GABRA3: variants seen among roughly 807,000 people sequenced by gnomAD.
GABRA3 encodes the protein gamma-aminobutyric acid receptor subunit alpha-3.
GABRA3 carries 10 observed loss-of-function variants against 30.1 expected under a neutral mutation model. That is an observed-to-expected ratio of 0.33 (90% CI 0.20 to 0.56). The LOEUF (loss-of-function observed/expected upper bound fraction) is 0.56. GABRA3 is among the 20% of genes least tolerant of loss of function. The pLI is 0.89. For missense variants in GABRA3, 233 were observed against 392.0 expected (o/e 0.59, Z 3.42); for synonymous variants, 151 against 146.8 (o/e 1.03, Z -0.21).
chrX:152,207,780 G>A (rs1937582455), intron 7 of GABRA3, among the ~76,000 whole-genome samples: 1 of 111,947 alleles, frequency 8.9e-6, no homozygotes, highest in South Asian at 3.7e-4. Context: ...TAAGAGGATG[G>A]TCTTGGGAGC....
At chrX:152,316,072 G>A (rs1331066115) in intron 3 of GABRA3, among the ~76,000 whole-genome samples, 1 of 98,507 alleles carries the variant, frequency 1.0e-5, no homozygotes, top group Non-Finnish European at 2.0e-5. Context: ...CACAAAATTA[G>A]TGTGTTAAAC....
At chrX:152,311,726 G>A (rs1441955455) in intron 3 of GABRA3, among the ~76,000 whole-genome samples, 1 of 110,970 alleles carries the variant, frequency 9.0e-6, no homozygotes, top group Non-Finnish European at 1.9e-5. Context: ...GAAGGAAATA[G>A]AAGACAGACA....
chrX:152,200,700 C>G (rs1256939539), intron 7 of GABRA3, among the ~76,000 whole-genome samples: 2 of 111,463 alleles, frequency 1.8e-5, no homozygotes, highest in Non-Finnish European at 1.9e-5. Flanking sequence ...TTAATCCTAT[C>G]TCTGATCATG....
intron 1 of GABRA3, among the ~76,000 whole-genome samples, chrX:152,371,886 A>C (rs1371157411): frequency 9.0e-6 from 1 of 111,707 alleles, no homozygotes; most frequent in Non-Finnish European, 1.9e-5. Context: ...AAACAAGAAC[A>C]CGGGACCAAG....
At chrX:152,374,562 A>T (rs1161802440) in intron 1 of GABRA3, among the ~76,000 whole-genome samples, 1 of 110,280 alleles carries the variant, frequency 9.1e-6, no homozygotes, top group African/African-American at 3.3e-5. Flanking sequence ...GTGTTAGCCA[A>T]CATGGTCTCG....
chrX:152,272,133 C>T lies in GABRA3; in HGVS notation c.330+12535G>A, dbSNP rs770709265. 3.2e-3 allele frequency among the ~76,000 whole-genome samples: 362 copies of T among 111,596 alleles called. 4 individuals carry two copies. The highest frequency in any genetic ancestry group is 0.011 in the African/African-American group (339 of 30,687). ...GAGCTGTGAGAAGAGAGCCAGCATC[C>T]TGCAGACCCCAGAATGGTAGATCCA... is the stretch of plus-strand genomic sequence containing the variant. On this transcript the variant is annotated intron_variant, in intron 4 of 9. Coordinates refer to ENST00000370314, the MANE Select transcript of GABRA3 (RefSeq NM_000808.4).
chrX:152,361,419 A>G (rs1928497992), intron 2 of GABRA3, among the ~76,000 whole-genome samples: 1 of 108,656 alleles, frequency 9.2e-6, no homozygotes, highest in Admixed American at 9.9e-5. Context: ...CTAAAAATAC[A>G]AAAATTAGCT....
intron 4 of GABRA3, among the ~76,000 whole-genome samples, chrX:152,261,678 G>C (rs1480203323): frequency 1.8e-5 from 2 of 112,310 alleles, no homozygotes; most frequent in Non-Finnish European, 3.8e-5. Context: ...CTGTGGCTTC[G>C]CAGGGTACAG....
chrX:152,179,592 T>A (rs1009797050), intron 9 of GABRA3, among the ~76,000 whole-genome samples: 6 of 108,065 alleles, frequency 5.6e-5, no homozygotes, highest in African/African-American at 2.0e-4. Context: ...CCTCCCGGGT[T>A]CACGCCATTC....
chrX:152,275,301 T>C (rs1184687572), intron 4 of GABRA3, among the ~76,000 whole-genome samples: 1 of 71,646 alleles, frequency 1.4e-5, no homozygotes, highest in African/African-American at 6.2e-5. Context: ...TTTAATATTA[T>C]ATATAAATAT....
At chrX:152,316,512 C>T (rs750095511) in intron 3 of GABRA3, among the ~76,000 whole-genome samples, 7 of 111,693 alleles carry the variant, frequency 6.3e-5, no homozygotes, top group Admixed American at 5.7e-4. Context: ...CAAAGAACTC[C>T]TTGGAAATTC....
chrX:152,374,770 T>C (rs1928951500), intron 1 of GABRA3, among the ~76,000 whole-genome samples: 1 of 112,080 alleles, frequency 8.9e-6, no homozygotes, highest in African/African-American at 3.2e-5. Context: ...TTATAGTTTT[T>C]GGTTTTACAT....
Position 152,374,639 on chromosome X carries a change from C to T in GABRA3, c.-26-10043G>A, listed in dbSNP as rs907124649. On this transcript the variant is annotated intron_variant, in intron 1 of 9. Coordinates refer to ENST00000370314, the MANE Select transcript of GABRA3 (RefSeq NM_000808.4). ...TGTTGGGATTACAGGCGTGAGCCAC[C>T]GCGCTTGGCCCAATTTTTGCTTTTG... Among the ~76,000 whole-genome samples the T allele has an allele frequency of 5.5e-4, 61 of 111,548 alleles. 1 individual carries two copies. Among genetic ancestry groups the T allele is most frequent in the African/African-American group, 1.8e-3 (54 of 30,709 alleles).
intron 2 of GABRA3, among the ~76,000 whole-genome samples, chrX:152,355,230 T>C (rs935891184): frequency 1.8e-5 from 2 of 111,399 alleles, no homozygotes; most frequent in Non-Finnish European, 3.8e-5. Flanking sequence ...TCCCAAATCA[T>C]AGTCCCTACT....
In GABRA3 at chrX:152,213,467, T is replaced by C. The variant is rs751736047; in HGVS notation, c.635-5323A>G. 9.9e-4 allele frequency among the ~76,000 whole-genome samples: 110 copies of C among 111,635 alleles called. 1 individual carries two copies. Among genetic ancestry groups the C allele is most frequent in the South Asian group, 1.9e-3 (5 of 2,661 alleles). The stretch of plus-strand genomic sequence containing the variant: ...GGAGGGGTGTCATTAGATACAGTGG[T>C]AAGAGAAGATCTCTCTGAGGGTGGT... On this transcript the variant is annotated intron_variant, in intron 6 of 9. Transcript: ENST00000370314.
At chrX:152,368,926 C>T (rs1208779684) in intron 1 of GABRA3, among the ~76,000 whole-genome samples, 4 of 110,768 alleles carry the variant, frequency 3.6e-5, no homozygotes, top group South Asian at 3.8e-4. Flanking sequence ...AGGATTGTCT[C>T]GATCTCCTGA....
intron 1 of GABRA3, among the ~76,000 whole-genome samples, chrX:152,373,107 T>C (rs1389848458): frequency 8.9e-6 from 1 of 112,071 alleles, no homozygotes; most frequent in East Asian, 2.8e-4. Flanking sequence ...TATCTTTTTG[T>C]GGCGTTTCTG....
intron 5 of GABRA3, among the ~76,000 whole-genome samples, chrX:152,233,838 C>A (rs1345567246): frequency 9.4e-6 from 1 of 106,041 alleles, no homozygotes; most frequent in South Asian, 4.4e-4. Context: ...AAATGTGGCA[C>A]ATATACACCA....
At chrX:152,268,162 AT>A (rs200245751) in intron 4 of GABRA3, among the ~76,000 whole-genome samples, 206 of 109,392 alleles carry the variant, frequency 1.9e-3, no homozygotes, top group African/African-American at 6.3e-3. Flanking sequence ...TATCCCACAG[AT>A]TTTTTTTATG....
Sources: allele counts gnomAD v4.1 joint callset (sites outside exome capture counted in the v4.1 genomes callset), GRCh38; gene constraint gnomAD v4.1.1; transcripts MANE v1.5; gene names NCBI Gene and HGNC (gene_info 2026-07-23, HGNC 2026-07-21).